CNTRL: variants seen among roughly 807,000 people sequenced by gnomAD.
The protein encoded by CNTRL is centriolin, also known as 110 kDa centrosomal protein.
Under a neutral mutation model 303.7 loss-of-function variants are expected in CNTRL, and 233 were observed. The ratio of observed to expected loss-of-function variants is 0.77; its 90% CI spans 0.69 to 0.86. The LOEUF (loss-of-function observed/expected upper bound fraction) is 0.86, where lower values mean the gene tolerates loss of function less well. Among genes scored for constraint, CNTRL ranks in the 40% least tolerant of loss-of-function variants. CNTRL has a pLI of 0.00. For synonymous variants in CNTRL, 900 were observed against 922.2 expected (o/e 0.98, Z 0.44); for missense variants, 2,524 against 2,650.6 (o/e 0.95, Z 1.05).
intron 26 of CNTRL, 126 bp downstream of exon 26, chr9:121,152,819 T>C: frequency 2.8e-6 from 2 of 719,004 alleles, no homozygotes; most frequent in Non-Finnish European, 4.6e-6. Flanking sequence ...ACTAGCTCAG[T>C]GTGGCTGTTG....
intron 26 of CNTRL, among the ~76,000 whole-genome samples, chr9:121,153,388 C>T (rs1328828002): frequency 1.3e-5 from 2 of 152,168 alleles, no homozygotes; most frequent in Non-Finnish European, 2.9e-5. Context: ...TCAAACACCA[C>T]GTTTTCTCCT....
intron 12 of CNTRL, among the ~76,000 whole-genome samples, chr9:121,120,467 G>T (rs995756675): frequency 2.6e-5 from 4 of 152,124 alleles, no homozygotes; most frequent in Non-Finnish European, 5.9e-5. Flanking sequence ...GCATATGTTT[G>T]TTCAATCTCC....
rs376497729 is a variant in CNTRL, at chr9:121,140,799, C to T, written c.2483+13C>T. On this transcript the variant is annotated intron_variant, in intron 17 of 43. Coordinates refer to ENST00000373855, the MANE Select transcript of CNTRL (RefSeq NM_007018.6). ...CTGGGGAAATGAAGTAAGGAAAAAG[C>T]AAGACCTCCAAGTCTAGAGTGGGCC... 4 of 1,607,874 alleles carry T rather than the reference C, an allele frequency of 2.5e-6. No homozygotes were observed. Among genetic ancestry groups the T allele is most frequent in the African/African-American group, 2.7e-5 (2 of 74,868 alleles).
At chr9:121,176,108 G>A (rs1340384741) in intron 43 of CNTRL, among the ~76,000 whole-genome samples, 1 of 152,182 alleles carries the variant, frequency 6.6e-6, no homozygotes, top group Non-Finnish European at 1.5e-5. Flanking sequence ...AGTGCCTATT[G>A]TGTGCACATA....
chr9:121,095,151 A>G (rs2048835762), intron 5 of CNTRL, 133 bp downstream of exon 5: 3 of 679,126 alleles, frequency 4.4e-6, no homozygotes, highest in Non-Finnish European at 7.0e-6. Context: ...TCATCAATCA[A>G]ATGAATGTCT....
chr9:121,113,133 AT>A (rs1305246172), intron 9 of CNTRL, among the ~76,000 whole-genome samples: 6 of 152,298 alleles, frequency 3.9e-5, no homozygotes, highest in Admixed American at 6.5e-5. Flanking sequence ...TCTGAAAAAA[AT>A]ATTAGACTGA....
intron 8 of CNTRL, among the ~76,000 whole-genome samples, chr9:121,110,280 C>T (rs922293805): frequency 3.3e-5 from 5 of 152,062 alleles, no homozygotes; most frequent in African/African-American, 1.2e-4. Context: ...TCCTGCTAGC[C>T]TCACAGAATT....
At chr9:121,143,812 G>C (rs2051668405) in intron 19 of CNTRL, 91 bp from the exon 20 acceptor site, 16 of 941,462 alleles carry the variant, frequency 1.7e-5, no homozygotes, top group Non-Finnish European at 2.6e-5. Flanking sequence ...CTAGGCAGCA[G>C]TGAACAGAGT....
At chr9:121,104,290 C>A (rs2049339322) in intron 7 of CNTRL, among the ~76,000 whole-genome samples, 1 of 152,196 alleles carries the variant, frequency 6.6e-6, no homozygotes, top group South Asian at 2.1e-4. Flanking sequence ...AAACCAAACA[C>A]CGCATGTTCT....
intron 27 of CNTRL, among the ~76,000 whole-genome samples, chr9:121,156,365 G>A (rs1184518935): frequency 6.6e-6 from 1 of 152,124 alleles, no homozygotes; most frequent in African/African-American, 2.4e-5. Flanking sequence ...GAAAGTAGTG[G>A]TGTTTTGGAA....
intron 21 of CNTRL, 121 bp downstream of exon 21, chr9:121,145,080 TTATCCTC>T: frequency 1.8e-6 from 2 of 1,130,366 alleles, no homozygotes; most frequent in South Asian, 2.9e-5. Flanking sequence ...AATAAGTACT[TTATCCTC>T]TACTGTGTGC....
chr9:121,158,746 G>C, intron 30 of CNTRL, 109 bp from the exon 31 acceptor site: 1 of 1,056,442 alleles, frequency 9.5e-7, no homozygotes. Context: ...GACTCTTGGG[G>C]GCTAGGATAT....
rs368247805 is a variant in CNTRL at position 121,141,386 on chromosome 9, A to G, written c.2489A>G (p.His830Arg). Residue 830 changes from histidine (H) to arginine (R), a missense_variant, in exon 18 of 44, where the codon CAT becomes CGT. Physicochemically the swap from His to Arg is conservative, Grantham distance 29. Coordinates refer to ENST00000373855, the MANE Select transcript of CNTRL (RefSeq NM_007018.6). Reference protein sequence around the residue: ...LKLGTGEMNIHSPSDVLGKSL... With the variant: ...LKLGTGEMNIRSPSDVLGKSL... ...TTTTTCCCCCTCCTTACTAGCATCC[A>G]TAGTCCTTCAGATGTCTTAGGGAAA... 15 of 1,611,916 alleles carry G rather than the reference A, an allele frequency of 9.3e-6. No individual in the cohort carries two copies. The highest frequency in any genetic ancestry group is 1.1e-5 in the Non-Finnish European group (13 of 1,178,308).
chr9:121,147,234 C>T (rs1271232291), intron 23 of CNTRL, among the ~76,000 whole-genome samples: 3 of 152,194 alleles, frequency 2.0e-5, no homozygotes, highest in Non-Finnish European at 2.9e-5. Context: ...AACTCCTGAC[C>T]TCAGGTGATC....
At position 121,098,573 on chromosome 9, in the gene CNTRL, G is replaced by A; in HGVS notation, c.808+1G>A. 1 of 1,563,994 alleles carries A rather than the reference G, an allele frequency of 6.4e-7. No homozygotes were observed. The highest frequency in any genetic ancestry group is 1.2e-5 in the South Asian group (1 of 83,840). On this transcript the variant is annotated splice_donor_variant, in intron 7 of 43. Transcript: ENST00000373855. LOFTEE classifies it high-confidence loss of function. ...GAGGCTTTTGAGAGATTCAGTTTAG[G>A]TAAGATTAAATTTAAAAAATAATAA... is the stretch of plus-strand genomic sequence containing the variant.
intron 39 of CNTRL, 176 bp from the exon 40 acceptor site, chr9:121,171,232 T>C: frequency 2.9e-6 from 2 of 701,500 alleles, no homozygotes; most frequent in Non-Finnish European, 5.2e-6. Flanking sequence ...GACGTGTATA[T>C]ACGCCCAGCT....
chr9:121,142,302 G>A (rs376365673), intron 19 of CNTRL, 32 bp downstream of exon 19: 217 of 1,568,102 alleles, frequency 1.4e-4, no homozygotes, highest in Non-Finnish European at 1.7e-4. Context: ...AGACACATAA[G>A]TACCTGCTGC....
intron 32 of CNTRL, 81 bp downstream of exon 32, chr9:121,160,383 G>A: frequency 9.2e-7 from 1 of 1,086,114 alleles, no homozygotes; most frequent in Non-Finnish European, 1.2e-6. Context: ...ATAACAAATG[G>A]CCAAAAAAAC....
At chr9:121,096,068 A>G (rs1391439814) in intron 5 of CNTRL, among the ~76,000 whole-genome samples, 1 of 152,238 alleles carries the variant, frequency 6.6e-6, no homozygotes, top group Admixed American at 6.5e-5. Flanking sequence ...AATGTAGCAG[A>G]TAGGACAGGG....
Sources: allele counts gnomAD v4.1 joint callset (sites outside exome capture counted in the v4.1 genomes callset), GRCh38; gene constraint gnomAD v4.1.1; transcripts MANE v1.5; gene names NCBI Gene and HGNC (gene_info 2026-07-23, HGNC 2026-07-21).